The following DMD variants were observed in gnomAD, a reference collection of about 807,000 sequenced individuals.
DMD encodes the protein dystrophin, also known as mutant dystrophin.
A neutral mutation model predicts 330.1 loss-of-function variants in DMD; 63 were observed. The ratio of observed to expected loss-of-function variants is 0.19; its 90% confidence interval spans 0.16 to 0.24. The LOEUF is 0.24. Ranked by LOEUF, DMD falls within the 10% of genes least tolerant of loss-of-function variation. The pLI is 1.00. For synonymous variants in DMD, 1,223 were observed against 959.8 expected (o/e 1.27, Z -5.07); for missense variants, 3,344 against 2,684.1 (o/e 1.25, Z -5.43).
chrX:31,509,377 A>G (rs2071261639), intron 55 of DMD, among the ~76,000 whole-genome samples: 1 of 112,043 alleles, frequency 8.9e-6, no homozygotes, highest in Admixed American at 9.5e-5. Context: ...TAAGTTCCAG[A>G]TAATTCCTTC....
intron 45 of DMD, among the ~76,000 whole-genome samples, chrX:31,951,124 T>C (rs186864022): frequency 0.027 from 1,742 of 65,491 alleles, 30 homozygotes; most frequent in Non-Finnish European, 0.036. Flanking sequence ...TATATATACA[T>C]ATATATATAT....
chrX:31,289,266 T>C (rs374155954), intron 62 of DMD, among the ~76,000 whole-genome samples: 1 of 57,347 alleles, frequency 1.7e-5, no homozygotes, highest in Admixed American at 1.7e-4. Context: ...AAAAAAAAAA[T>C]AAAAAATAAA....
rs138293652 is a variant in DMD, at chrX:32,735,611, G to T, written c.650-36318C>A. Among the ~76,000 whole-genome samples, 4 of 110,642 alleles carry T rather than the reference G, an allele frequency of 3.6e-5. No homozygotes were observed. The East Asian group carries it at 1.1e-3, about 31-fold the overall frequency. On this transcript the variant is annotated intron_variant, in intron 7 of 78. Coordinates refer to ENST00000357033, the MANE Select transcript of DMD (RefSeq NM_004006.3). The stretch of plus-strand genomic sequence containing the variant: ...GAACAGAGCCCTCAGAAATAACGCC[G>T]CATATCTACCACTATCTGATCTTTG...
intron 51 of DMD, among the ~76,000 whole-genome samples, chrX:31,732,937 T>G: frequency 9.0e-6 from 1 of 111,729 alleles, no homozygotes. Flanking sequence ...CATTACATGC[T>G]TACCAGTACC....
chrX:32,506,772 G>A (rs1368048207), intron 18 of DMD, among the ~76,000 whole-genome samples: 1 of 111,409 alleles, frequency 9.0e-6, no homozygotes, highest in Non-Finnish European at 1.9e-5. Flanking sequence ...CCAATTAGCA[G>A]GTAAAACTTC....
chrX:31,753,944 C>T (rs973326958), intron 51 of DMD, among the ~76,000 whole-genome samples: 3 of 111,331 alleles, frequency 2.7e-5, no homozygotes, highest in African/African-American at 9.8e-5. Flanking sequence ...TCTCAATACC[C>T]ACTCTAGCTT....
intron 52 of DMD, among the ~76,000 whole-genome samples, chrX:31,682,291 C>T (rs945264100): frequency 3.6e-5 from 4 of 111,084 alleles, no homozygotes; most frequent in African/African-American, 6.5e-5. Flanking sequence ...CAAAACTAGT[C>T]GACATATTAT....
chrX:32,631,927 C>A (rs189189615), intron 11 of DMD, among the ~76,000 whole-genome samples: 2 of 111,321 alleles, frequency 1.8e-5, no homozygotes, highest in Middle Eastern at 4.6e-3. Context: ...AATCTCAAGT[C>A]CTTCTCACAT....
intron 1 of DMD, among the ~76,000 whole-genome samples, chrX:33,238,190 A>T (rs973092343): frequency 1.8e-5 from 2 of 112,264 alleles, no homozygotes; most frequent in Admixed American, 1.9e-4. Flanking sequence ...AGCATTTTAA[A>T]GGGTACTCTT....
At chrX:32,092,724 C>CTTTTT (rs11315047) in intron 44 of DMD, among the ~76,000 whole-genome samples, 436 of 39,720 alleles carry the variant, frequency 0.011, 35 homozygotes, top group African/African-American at 0.013. Context: ...GTTATTTTCA[C>CTTTTT]TTTTTTTTTT....
At chrX:32,952,054 CAGTA>C (rs1386901742) in intron 2 of DMD, among the ~76,000 whole-genome samples, 1 of 110,966 alleles carries the variant, frequency 9.0e-6, no homozygotes, top group South Asian at 3.8e-4. Flanking sequence ...ATCTGGATCT[CAGTA>C]AGTCTTTCCC....
intron 44 of DMD, among the ~76,000 whole-genome samples, chrX:32,104,026 C>T (rs1603625529): frequency 9.0e-6 from 1 of 110,899 alleles, no homozygotes; most frequent in East Asian, 2.9e-4. Context: ...GCAGCAAACC[C>T]CTCAGAGTTC....
At chrX:31,681,953 C>T (rs1371646617) in intron 52 of DMD, among the ~76,000 whole-genome samples, 2 of 111,169 alleles carry the variant, frequency 1.8e-5, no homozygotes, top group Non-Finnish European at 3.8e-5. Context: ...AATTAGCACA[C>T]GCCTGTAATC....
At position 32,342,253 on chromosome X, in the gene DMD, T is replaced by A; in HGVS notation, c.5769A>T (p.Lys1923Asn). The change falls in exon 41 of 79, where the codon AAA (lysine) becomes AAT (asparagine). Residue 1923 changes from lysine (K) to asparagine (N), a missense_variant. By Grantham distance (94) the Lys-to-Asn change is moderately conservative. Transcript: ENST00000357033. ...GCCTACGCACTGCATTCAGCTCCTCTTTCTTCTTCTGCAATTCCCGATCAA... is the reference window on the plus strand; with the variant it reads ...GCCTACGCACTGCATTCAGCTCCTCATTCTTCTTCTGCAATTCCCGATCAA... Reference protein sequence around the residue: ...KEIDRELQKKKEELNAVRRQA... With the variant: ...KEIDRELQKKNEELNAVRRQA... The A allele has an allele frequency of 8.3e-7, 1 of 1,211,608 alleles. No individual in the cohort carries two copies. Among genetic ancestry groups the A allele is most frequent in the Non-Finnish European group, 1.1e-6 (1 of 895,493 alleles).
intron 30 of DMD, among the ~76,000 whole-genome samples, chrX:32,393,031 T>A: frequency 8.9e-6 from 1 of 112,161 alleles, no homozygotes; most frequent in Non-Finnish European, 1.9e-5. Flanking sequence ...GTGAGCTTTC[T>A]CAACACGCAA....
At chrX:31,714,936 C>T (rs2084909897) in intron 52 of DMD, among the ~76,000 whole-genome samples, 1 of 111,253 alleles carries the variant, frequency 9.0e-6, no homozygotes, top group Non-Finnish European at 1.9e-5. Flanking sequence ...GAATGTGCTG[C>T]TTTAGTGATC....
chrX:31,822,653 GGTGTGTGTGTGTGTGT>G (rs1556919105), intron 49 of DMD, among the ~76,000 whole-genome samples: 4 of 65,808 alleles, frequency 6.1e-5, no homozygotes, highest in Admixed American at 2.3e-4. Flanking sequence ...AAGGCAGAGG[GGTGTGTGTGTGTGTGT>G]GTGTGTGTGT....
At chrX:33,089,104 C>T (rs1489999236) in intron 1 of DMD, among the ~76,000 whole-genome samples, 14 of 94,202 alleles carry the variant, frequency 1.5e-4, no homozygotes, top group African/African-American at 5.5e-4. Context: ...CTTGCTCTGT[C>T]ACCCAGGCTG....
At chrX:31,304,725 C>A (rs184727642) in intron 62 of DMD, among the ~76,000 whole-genome samples, 2,149 of 110,532 alleles carry the variant, frequency 0.019, 46 homozygotes, top group African/African-American at 0.067. Flanking sequence ...TTTTGCAAAA[C>A]AGAAACTAGC....
Sources: gnomAD v4.1 joint callset for allele counts (sites outside exome capture counted in the v4.1 genomes callset) on GRCh38, gnomAD v4.1.1 for gene constraint, MANE v1.5 for transcripts, NCBI Gene and HGNC (gene_info 2026-07-23, HGNC 2026-07-21) for gene names.